The following POLA1 variants were observed in gnomAD, a reference collection of about 807,000 sequenced individuals.
The protein encoded by POLA1 is DNA polymerase alpha catalytic subunit.
In POLA1, 15 loss-of-function variants were observed where a neutral mutation model predicts 124.0. That is an observed-to-expected ratio of 0.12 (90% CI 0.08 to 0.19). The LOEUF (loss-of-function observed/expected upper bound fraction) is 0.19. POLA1 is among the 10% of genes least tolerant of loss of function. The pLI is 1.00. For missense variants in POLA1, 886 were observed against 1,103.4 expected (o/e 0.80, Z 2.79); for synonymous variants, 408 against 389.4 (o/e 1.05, Z -0.56).
At chrX:24,800,643 T>A (rs750893678) in intron 26 of POLA1, among the ~76,000 whole-genome samples, 1 of 111,031 alleles carries the variant, frequency 9.0e-6, no homozygotes, top group African/African-American at 3.3e-5. Flanking sequence ...AAACTGGAGG[T>A]TGGAGTGGAA....
In POLA1 at chrX:24,732,528, T is replaced by C. The variant is rs1930977328; in HGVS notation, c.1771+74T>C. On this transcript the variant is annotated intron_variant, in intron 16 of 36. Transcript: ENST00000379068. Reference sequence around the variant, plus strand: ...CCTTATTTTTTCTCCAGCTATTGGATCAGTAACTTGTTTTTCAAAAATTGT... The same window carrying C: ...CCTTATTTTTTCTCCAGCTATTGGACCAGTAACTTGTTTTTCAAAAATTGT... The C allele has an allele frequency of 4.8e-6, 3 of 631,335 alleles. No individual in the cohort carries two copies. In the Admixed American group the frequency reaches 7.5e-5, roughly 16 times the overall value. The allele number at this position is 631,335 out of a possible 1,213,427, so 52.0% of individuals were successfully genotyped here.
intron 36 of POLA1, among the ~76,000 whole-genome samples, chrX:24,956,994 G>T (rs1026473955): frequency 9.0e-5 from 10 of 111,382 alleles, no homozygotes; most frequent in Non-Finnish European, 1.7e-4. Context: ...GATTGGGATG[G>T]GGGTGGACAG....
chrX:24,930,543 G>C lies in POLA1; in HGVS notation c.4255G>C (p.Glu1419Gln). 1 of 1,136,171 alleles carries C rather than the reference G, an allele frequency of 8.8e-7. No homozygotes were observed. The highest frequency in any genetic ancestry group is 1.2e-6 in the Non-Finnish European group (1 of 826,501). 93.6% of individuals were successfully genotyped at this position (1,136,171 alleles called of 1,213,427 possible). Residue 1419 changes from glutamate (E) to glutamine (Q), a missense_variant, in exon 36 of 37, where the codon GAG becomes CAG. By Grantham distance (29) the Glu-to-Gln change is conservative (BLOSUM62 2). This residue lies in a region of POLA1 where 313 missense variants were observed against 359.7 expected (regional missense o/e 0.87). Transcript: ENST00000379068. ...CALEKLTTDH[E>Q]KDKLKKQFFT... Reference sequence around the variant, plus strand: ...ACTGGAGAAACTTACTACCGATCATGAGAAAGGTACGTTAAAATACTGTAA... The same window carrying C: ...ACTGGAGAAACTTACTACCGATCATCAGAAAGGTACGTTAAAATACTGTAA...
intron 35 of POLA1, among the ~76,000 whole-genome samples, chrX:24,902,004 GCACACA>G (rs781587090): frequency 9.5e-6 from 1 of 104,965 alleles, no homozygotes; most frequent in South Asian, 4.0e-4. Context: ...GCATGTGCGT[GCACACA>G]CACACACACA....
chrX:24,746,415 C>T (rs1932004958), intron 24 of POLA1, among the ~76,000 whole-genome samples: 1 of 112,129 alleles, frequency 8.9e-6, no homozygotes, highest in African/African-American at 3.2e-5. Flanking sequence ...TATTTAGCCT[C>T]TGCCCACCAC....
intron 35 of POLA1, among the ~76,000 whole-genome samples, chrX:24,901,336 T>C (rs762535129): frequency 9.0e-5 from 10 of 110,883 alleles, no homozygotes; most frequent in Admixed American, 5.8e-4. Flanking sequence ...AGGAAGGGCA[T>C]GTATAAGGGA....
At chrX:24,965,003 G>A (rs1170233477) in intron 36 of POLA1, among the ~76,000 whole-genome samples, 2 of 111,651 alleles carry the variant, frequency 1.8e-5, no homozygotes, top group Non-Finnish European at 3.8e-5. Context: ...AAGGACATCG[G>A]TGAATGGACT....
intron 36 of POLA1, among the ~76,000 whole-genome samples, chrX:24,940,763 G>A (rs1310212408): frequency 8.9e-6 from 1 of 111,921 alleles, no homozygotes; most frequent in Admixed American, 9.5e-5. Context: ...ACTTTCTAAC[G>A]AAACACTCAT....
At chrX:24,922,960 G>A (rs749573636) in intron 35 of POLA1, among the ~76,000 whole-genome samples, 12 of 111,783 alleles carry the variant, frequency 1.1e-4, no homozygotes, top group Non-Finnish European at 2.1e-4. Flanking sequence ...ATGTAAGAGA[G>A]GGCAAATTCA....
At chrX:24,989,710 G>C (rs1443178879) in intron 36 of POLA1, among the ~76,000 whole-genome samples, 1 of 110,078 alleles carries the variant, frequency 9.1e-6, no homozygotes, top group Non-Finnish European at 1.9e-5. Flanking sequence ...CTTCTGTGTA[G>C]AATGCCGTGA....
chrX:24,866,649 T>C (rs1232556164), intron 34 of POLA1, among the ~76,000 whole-genome samples: 1 of 112,124 alleles, frequency 8.9e-6, no homozygotes, highest in Non-Finnish European at 1.9e-5. Context: ...CTTTGCTGCT[T>C]GTATCAGATT....
intron 4 of POLA1, among the ~76,000 whole-genome samples, chrX:24,712,206 C>T (rs1440881839): frequency 9.0e-6 from 1 of 111,260 alleles, no homozygotes; most frequent in African/African-American, 3.3e-5. Context: ...CTGCCTCAGC[C>T]TCCCAAGTAG....
intron 22 of POLA1, among the ~76,000 whole-genome samples, chrX:24,742,766 T>G (rs1412049410): frequency 8.9e-6 from 1 of 111,813 alleles, no homozygotes; most frequent in South Asian, 3.7e-4. Context: ...TACTTAGGAA[T>G]GGATTTTCAG....
chrX:24,709,369 C>G (rs1472882632), intron 4 of POLA1, among the ~76,000 whole-genome samples: 5 of 81,033 alleles, frequency 6.2e-5, no homozygotes, highest in Admixed American at 3.8e-4. Context: ...TCCCGGACAG[C>G]ACGGCTGGCC....
intron 34 of POLA1, among the ~76,000 whole-genome samples, chrX:24,853,472 C>G (rs1183301276): frequency 9.0e-6 from 1 of 111,721 alleles, no homozygotes; most frequent in African/African-American, 3.3e-5. Context: ...AACATCATGC[C>G]TTGGTCACTT....
At chrX:24,829,523 G>T (rs1320040479) in intron 32 of POLA1, among the ~76,000 whole-genome samples, 4 of 111,760 alleles carry the variant, frequency 3.6e-5, no homozygotes, top group African/African-American at 1.3e-4. Context: ...CAGCATTAAT[G>T]AAGTGTAGGC....
At chrX:24,963,846 C>T (rs931462946) in intron 36 of POLA1, among the ~76,000 whole-genome samples, 37 of 111,474 alleles carry the variant, frequency 3.3e-4, no homozygotes, top group African/African-American at 1.1e-3. Flanking sequence ...CTAATTTTTC[C>T]CCCAAACTAA....
At chrX:24,902,262 G>A (rs977721166) in intron 35 of POLA1, among the ~76,000 whole-genome samples, 7 of 112,418 alleles carry the variant, frequency 6.2e-5, no homozygotes, top group Non-Finnish European at 9.4e-5. Flanking sequence ...GGTAGGATCA[G>A]TAGGATATAA....
chrX:24,711,453 T>TATTCAA (rs1471234808), intron 4 of POLA1, among the ~76,000 whole-genome samples: 7 of 112,558 alleles, frequency 6.2e-5, no homozygotes, highest in African/African-American at 1.9e-4. Flanking sequence ...GCACAATGTT[T>TATTCAA]ATTCAAATGG....
Sources: allele counts gnomAD v4.1 joint callset (sites outside exome capture counted in the v4.1 genomes callset), GRCh38; gene constraint gnomAD v4.1.1; regional missense constraint gnomAD v4.1.1; transcripts MANE v1.5; gene names NCBI Gene and HGNC (gene_info 2026-07-23, HGNC 2026-07-21).